CPNE4: variants seen among roughly 807,000 people sequenced by gnomAD.
The protein encoded by CPNE4 is copine-4.
CPNE4 carries 25 observed loss-of-function variants against 67.9 expected under a neutral mutation model. The observed-to-expected ratio is 0.37, with a 90% CI of 0.27 to 0.51. CPNE4 has a LOEUF of 0.51. Ranked by LOEUF, CPNE4 falls within the 20% of genes least tolerant of loss-of-function variation. The pLI is 0.93. For missense variants in CPNE4, 464 were observed against 690.8 expected (o/e 0.67, Z 3.68); for synonymous variants, 242 against 244.9 (o/e 0.99, Z 0.11).
intron 2 of CPNE4, among the ~76,000 whole-genome samples, chr3:131,738,894 G>T (rs549053975): frequency 2.8e-4 from 38 of 137,154 alleles, no homozygotes; most frequent in African/African-American, 1.0e-3. Flanking sequence ...TGCTCTCGTC[G>T]CCCAGGCTAG....
At chr3:131,638,859 C>A (rs1419525662) in intron 7 of CPNE4, among the ~76,000 whole-genome samples, 2 of 152,072 alleles carry the variant, frequency 1.3e-5, no homozygotes, top group East Asian at 3.8e-4. Flanking sequence ...AACTCAACTC[C>A]AAAAGGAACC....
At chr3:131,721,417 A>G (rs2081883324) in intron 3 of CPNE4, among the ~76,000 whole-genome samples, 1 of 97,362 alleles carries the variant, frequency 1.0e-5, no homozygotes, top group African/African-American at 3.7e-5. Context: ...TTTTTTTGAG[A>G]CGGAGTCTTG....
chr3:131,857,008 A>T (rs1443574136), intron 2 of CPNE4, among the ~76,000 whole-genome samples: 4 of 152,090 alleles, frequency 2.6e-5, no homozygotes, highest in African/African-American at 9.7e-5. Flanking sequence ...TTTATAAGAC[A>T]TAATGCTTCA....
At chr3:131,969,870 C>T (rs145590961) in intron 1 of CPNE4, among the ~76,000 whole-genome samples, 1,838 of 152,312 alleles carry the variant, frequency 0.012, 16 homozygotes, top group Non-Finnish European at 0.016. Flanking sequence ...TCCTCAATTA[C>T]CAGCTGTGTA....
chr3:131,740,293 C>A lies in CPNE4; in HGVS notation c.181-16668G>T, dbSNP rs918050896. ...ATGATCAAAGGCTTAATTCTCTAGA[C>A]TGGCTCCCTAGGTCATCTTATACAC... On this transcript the variant is annotated intron_variant, in intron 2 of 15. Transcript: ENST00000429747. Among the ~76,000 whole-genome samples the A allele has an allele frequency of 3.3e-5, 5 of 152,224 alleles. No individual in the cohort carries two copies. In the South Asian group the frequency reaches 1.0e-3, roughly 32 times the overall value.
chr3:131,963,348 T>C (rs2072240453), intron 1 of CPNE4, among the ~76,000 whole-genome samples: 1 of 151,940 alleles, frequency 6.6e-6, no homozygotes, highest in Admixed American at 6.5e-5. Flanking sequence ...TGCAGTTTTT[T>C]TTTTTCATAC....
chr3:132,032,093 A>T (rs1441252650), intron 1 of CPNE4, among the ~76,000 whole-genome samples: 5 of 152,198 alleles, frequency 3.3e-5, no homozygotes, highest in Non-Finnish European at 4.4e-5. Flanking sequence ...CCAATAATTC[A>T]CCAAAATGTC....
intron 7 of CPNE4, among the ~76,000 whole-genome samples, chr3:131,627,836 A>G (rs189265841): frequency 6.6e-6 from 1 of 152,374 alleles, no homozygotes; most frequent in East Asian, 1.9e-4. Context: ...CAATTTCATA[A>G]TAAAACTAAT....
intron 2 of CPNE4, among the ~76,000 whole-genome samples, chr3:131,875,099 A>C (rs543819000): frequency 9.9e-5 from 15 of 152,146 alleles, no homozygotes; most frequent in African/African-American, 3.1e-4. Flanking sequence ...CCCTAGCCCC[A>C]CTCAATGTGT....
intron 3 of CPNE4, among the ~76,000 whole-genome samples, chr3:131,716,543 C>T (rs1056031218): frequency 3.9e-5 from 6 of 152,128 alleles, no homozygotes; most frequent in Admixed American, 2.6e-4. Context: ...TCGCCCAGGA[C>T]GTAGGTGCTC....
chr3:131,947,650 G>A (rs2071592459), intron 1 of CPNE4, among the ~76,000 whole-genome samples: 1 of 152,124 alleles, frequency 6.6e-6, no homozygotes, highest in Non-Finnish European at 1.5e-5. Flanking sequence ...TGGGCATTTG[G>A]ATTGATTCCA....
chr3:131,671,459 A>ATGTATGTGTGTGTGTGTG (rs1491205483), intron 6 of CPNE4, among the ~76,000 whole-genome samples: 3 of 131,364 alleles, frequency 2.3e-5, no homozygotes, highest in African/African-American at 8.0e-5. Context: ...GAGTGTACAC[A>ATGTATGTGTGTGTGTGTG]TGTGTGTGTG....
At chr3:131,888,112 TA>T (rs1299142528) in intron 2 of CPNE4, among the ~76,000 whole-genome samples, 2 of 152,230 alleles carry the variant, frequency 1.3e-5, no homozygotes, top group African/African-American at 4.8e-5. Flanking sequence ...GTGTTCTGCC[TA>T]AAATCCTGAA....
intron 2 of CPNE4, among the ~76,000 whole-genome samples, chr3:131,806,038 AC>A (rs2084296874): frequency 1.3e-5 from 2 of 152,314 alleles, no homozygotes; most frequent in South Asian, 4.1e-4. Flanking sequence ...TGCAGCTAGA[AC>A]CATGCTAGTG....
chr3:132,033,375 C>T (rs1244615743), intron 1 of CPNE4, among the ~76,000 whole-genome samples: 20 of 146,948 alleles, frequency 1.4e-4, no homozygotes, highest in Admixed American at 4.1e-4. Context: ...CACTGAAATC[C>T]TGTGAGAGTG....
chr3:131,870,623 C>A (rs1307506846), intron 2 of CPNE4, among the ~76,000 whole-genome samples: 1 of 152,170 alleles, frequency 6.6e-6, no homozygotes, highest in African/African-American at 2.4e-5. Flanking sequence ...TTTCTTTTCT[C>A]CCCCTCCTCT....
intron 12 of CPNE4, among the ~76,000 whole-genome samples, chr3:131,554,169 C>T (rs918400771): frequency 7.9e-5 from 12 of 152,012 alleles, no homozygotes; most frequent in Admixed American, 5.2e-4. Context: ...GGGCTGATGG[C>T]TATTGAGCTA....
At chr3:132,031,074 G>A (rs1449507154) in intron 1 of CPNE4, among the ~76,000 whole-genome samples, 1 of 152,030 alleles carries the variant, frequency 6.6e-6, no homozygotes. Context: ...ATAAGATTTT[G>A]GGGACATCTT....
chr3:131,968,238 C>T (rs898189006), intron 1 of CPNE4, among the ~76,000 whole-genome samples: 6 of 152,072 alleles, frequency 3.9e-5, no homozygotes, highest in Non-Finnish European at 5.9e-5. Context: ...AATATAAAAC[C>T]TAAAACCATA....
Sources: gnomAD v4.1 joint callset for allele counts (sites outside exome capture counted in the v4.1 genomes callset) on GRCh38, gnomAD v4.1.1 for gene constraint, MANE v1.5 for transcripts, NCBI Gene and HGNC (gene_info 2026-07-23, HGNC 2026-07-21) for gene names.